Variants in SFXN1 observed in about 807,000 individuals in gnomAD.
SFXN1 encodes the protein sideroflexin-1.
SFXN1 carries 32 observed loss-of-function variants against 39.5 expected under a neutral mutation model. The ratio of observed to expected loss-of-function variants is 0.81; its 90% CI spans 0.61 to 1.09. The LOEUF (loss-of-function observed/expected upper bound fraction) is 1.09, where lower values mean the gene tolerates loss of function less well. Ranked by LOEUF, SFXN1 falls within the 50% of genes least tolerant of loss-of-function variation. SFXN1 has a pLI of 0.00. For missense variants in SFXN1, 402 were observed against 407.1 expected, an observed-to-expected ratio of 0.99 and a Z score of 0.11; for synonymous variants, 136 against 146.5, an observed-to-expected ratio of 0.93 and a Z score of 0.52.
rs1221003832 is a variant in SFXN1, at chr5:175,509,030, A to G, written c.165-2A>G. 1 of 1,600,388 alleles carries G rather than the reference A, an allele frequency of 6.2e-7. No homozygotes were observed. The highest frequency in any genetic ancestry group is 2.3e-5 in the East Asian group (1 of 44,218). On this transcript the variant is annotated splice_acceptor_variant, in intron 2 of 10. Coordinates refer to ENST00000321442, the MANE Select transcript of SFXN1 (RefSeq NM_022754.7). LOFTEE classifies it high-confidence loss of function. The stretch of plus-strand genomic sequence containing the variant: ...TTGCCATATTATTTGTTGTTTTCTT[A>G]GGCAAGGAATTGTTCCTCCTGGTCT...
intron 1 of SFXN1, among the ~76,000 whole-genome samples, chr5:175,481,553 A>G (rs1027477111): frequency 6.6e-6 from 1 of 152,182 alleles, no homozygotes; most frequent in South Asian, 2.1e-4. Flanking sequence ...TGACCTCATG[A>G]TCCGCCCACC....
intron 2 of SFXN1, 91 bp downstream of exon 2, chr5:175,492,358 CTT>C (rs920827169): frequency 1.1e-5 from 11 of 972,866 alleles, no homozygotes; most frequent in Non-Finnish European, 1.2e-5. Flanking sequence ...GATTTTACAA[CTT>C]TTTTTTTTGC....
At chr5:175,503,535 T>C (rs1489280154) in intron 2 of SFXN1, among the ~76,000 whole-genome samples, 1 of 152,256 alleles carries the variant, frequency 6.6e-6, no homozygotes, top group African/African-American at 2.4e-5. Context: ...CACATCTTGA[T>C]AGATGCCCAA....
chr5:175,522,534 T>C (rs370319980), intron 10 of SFXN1, 112 bp downstream of exon 10: 7 of 1,084,330 alleles, frequency 6.5e-6, no homozygotes, highest in South Asian at 5.9e-5. Flanking sequence ...ACTCAAAAGA[T>C]ACTGAAGCCA....
At chr5:175,500,608 T>A (rs1342921613) in intron 2 of SFXN1, among the ~76,000 whole-genome samples, 1 of 152,132 alleles carries the variant, frequency 6.6e-6, no homozygotes, top group Non-Finnish European at 1.5e-5. Context: ...CAGGCTCTTT[T>A]TAGACACTGA....
chr5:175,514,810 G>A (rs1328958889), intron 7 of SFXN1, among the ~76,000 whole-genome samples: 1 of 152,214 alleles, frequency 6.6e-6, no homozygotes, highest in African/African-American at 2.4e-5. Context: ...TGCCCTGCCT[G>A]AGGCTAATGT....
At position 175,526,054 on chromosome 5, in the gene SFXN1, C is replaced by T. The variant is rs570962947; in HGVS notation, c.873-584C>T. The T allele has an allele frequency of 4.1e-3, 627 of 151,878 alleles. 1 individual carries two copies. Among genetic ancestry groups the T allele is most frequent in the Non-Finnish European group, 7.1e-3 (488 of 68,296 alleles). The allele number at this position is 151,878 out of a possible 1,614,324, so 9.4% of individuals were successfully genotyped here. ...CTTTAATATATATACACCCATAATA[C>T]CTTCAAATACATTTTTAAGCACTTA... On this transcript the variant is annotated intron_variant, in intron 10 of 10. Transcript: ENST00000321442.
intron 2 of SFXN1, among the ~76,000 whole-genome samples, chr5:175,501,693 A>T (rs1434916874): frequency 6.6e-6 from 1 of 152,214 alleles, no homozygotes; most frequent in Non-Finnish European, 1.5e-5. Context: ...ACACTTCACC[A>T]TAGAAGATAC....
At chr5:175,499,377 T>C (rs1014258869) in intron 2 of SFXN1, among the ~76,000 whole-genome samples, 1 of 152,036 alleles carries the variant, frequency 6.6e-6, no homozygotes, top group Non-Finnish European at 1.5e-5. Context: ...AAAAAGGGAT[T>C]AGAGGAAAAA....
At chr5:175,511,426 A>G in intron 4 of SFXN1, 25 bp from the exon 5 acceptor site, 1 of 1,604,358 alleles carries the variant, frequency 6.2e-7, no homozygotes, top group Non-Finnish European at 8.5e-7. Context: ...CTCGTCGTCC[A>G]CACGATATCC....
chr5:175,524,598 A>G (rs773936036), intron 10 of SFXN1, among the ~76,000 whole-genome samples: 5 of 151,948 alleles, frequency 3.3e-5, no homozygotes, highest in African/African-American at 7.2e-5. Flanking sequence ...CTGAAAATCA[A>G]TGCACTAAAT....
intron 10 of SFXN1, chr5:175,524,119 A>G (rs1581332469): frequency 2.6e-5 from 1 of 38,636 alleles, no homozygotes; most frequent in Non-Finnish European, 4.2e-5. Flanking sequence ...AAAAAAAAAA[A>G]AAAAAAATAT....
At chr5:175,492,044 C>T (rs1038115642) in intron 1 of SFXN1, 51 bp from the exon 2 acceptor site, 32 of 1,404,318 alleles carry the variant, frequency 2.3e-5, no homozygotes, top group South Asian at 4.1e-5. Context: ...TTTCTAAATA[C>T]GTAGTGACAT....
chr5:175,496,322 C>A (rs1175661572), intron 2 of SFXN1, among the ~76,000 whole-genome samples: 1 of 151,420 alleles, frequency 6.6e-6, no homozygotes, highest in Non-Finnish European at 1.5e-5. Flanking sequence ...TTCAGTGAGC[C>A]GAGATCGCTC....
intron 8 of SFXN1, among the ~76,000 whole-genome samples, chr5:175,520,462 C>T (rs1760846934): frequency 6.6e-6 from 1 of 151,962 alleles, no homozygotes; most frequent in Non-Finnish European, 1.5e-5. Context: ...GGGGGTGGTG[C>T]TGGAAGAAGA....
intron 8 of SFXN1, among the ~76,000 whole-genome samples, chr5:175,519,865 T>C (rs1165818474): frequency 9.1e-6 from 1 of 109,650 alleles, no homozygotes; most frequent in Non-Finnish European, 1.7e-5. Flanking sequence ...GGTTTTTTGC[T>C]TTTTTTTTTT....
chr5:175,511,224 T>C (rs1006428454), intron 4 of SFXN1, among the ~76,000 whole-genome samples: 1 of 152,202 alleles, frequency 6.6e-6, no homozygotes, highest in African/African-American at 2.4e-5. Context: ...CATGTCTACT[T>C]TTTTGGAGTT....
chr5:175,481,576 A>G (rs1213124893), intron 1 of SFXN1, among the ~76,000 whole-genome samples: 6 of 152,138 alleles, frequency 3.9e-5, no homozygotes, highest in Admixed American at 3.9e-4. Context: ...AGCCTCCCAA[A>G]GTGCTGGGAT....
intron 1 of SFXN1, chr5:175,484,000 A>T (rs984208607): frequency 1.3e-5 from 2 of 152,160 alleles, no homozygotes; most frequent in African/African-American, 4.8e-5. Context: ...ATTCTTCATG[A>T]TCCTTGCCGC....
Sources: allele counts gnomAD v4.1 joint callset (sites outside exome capture counted in the v4.1 genomes callset), GRCh38; gene constraint gnomAD v4.1.1; transcripts MANE v1.5; gene names NCBI Gene and HGNC (gene_info 2026-07-23, HGNC 2026-07-21).